Variants in SLC25A42 observed in about 807,000 individuals in gnomAD.
SLC25A42 encodes mitochondrial coenzyme A transporter SLC25A42.
A neutral mutation model predicts 34.7 loss-of-function variants in SLC25A42; 19 were observed. The observed-to-expected ratio is 0.55, with a 90% confidence interval of 0.38 to 0.80. SLC25A42 has a LOEUF of 0.80. Ranked by LOEUF, SLC25A42 falls within the 30% of genes least tolerant of loss-of-function variation. The pLI is 0.00. For missense variants in SLC25A42, 364 were observed against 441.3 expected, an observed-to-expected ratio of 0.82 and a Z score of 1.57; for synonymous variants, 205 against 191.2, an observed-to-expected ratio of 1.07 and a Z score of -0.59.
intron 4 of SLC25A42, chr19:19,105,321 G>A: frequency 1.7e-6 from 1 of 594,164 alleles, no homozygotes; most frequent in Non-Finnish European, 2.9e-6. Context: ...CAGTCCCCAA[G>A]AGAACTTGGT....
intron 1 of SLC25A42, among the ~76,000 whole-genome samples, chr19:19,080,945 G>A (rs1333857383): frequency 6.7e-6 from 1 of 149,668 alleles, no homozygotes; most frequent in Non-Finnish European, 1.5e-5. Context: ...AAAAAAAGAG[G>A]GAGGGAGAGA....
intron 1 of SLC25A42, among the ~76,000 whole-genome samples, chr19:19,077,708 C>T (rs145247253): frequency 0.18 from 27,758 of 152,004 alleles, 3,218 homozygotes; most frequent in Admixed American, 0.25. Context: ...GCCAACATGG[C>T]GAAACCCCAT....
intron 3 of SLC25A42, among the ~76,000 whole-genome samples, chr19:19,103,317 A>C (rs985956810): frequency 6.6e-6 from 1 of 152,092 alleles, no homozygotes; most frequent in Non-Finnish European, 1.5e-5. Flanking sequence ...CTGGTCTTGA[A>C]TTCCTAGCCT....
At position 19,110,953 on chromosome 19, in the gene SLC25A42, C is replaced by A; in HGVS notation, c.*77C>A. On this transcript the variant is annotated 3_prime_UTR_variant, in exon 8 of 8. Transcript: ENST00000318596. The stretch of plus-strand genomic sequence containing the variant: ...GGGCCCATGGAACGGTGGGGGGGTG[C>A]GCTTGATTCTACTTCAGGAGGCACA... The A allele has an allele frequency of 6.6e-7, 1 of 1,516,382 alleles. No homozygotes were observed. Among genetic ancestry groups the A allele is most frequent in the Non-Finnish European group, 9.0e-7 (1 of 1,109,188 alleles). 93.9% of individuals were successfully genotyped at this position (1,516,382 alleles called of 1,614,324 possible).
intron 3 of SLC25A42, among the ~76,000 whole-genome samples, chr19:19,103,291 C>T (rs773247560): frequency 5.3e-5 from 8 of 151,960 alleles, no homozygotes; most frequent in East Asian, 1.9e-4. Context: ...AGACAGGTTT[C>T]GACACGTTGG....
chr19:19,080,738 G>A (rs2059677195), intron 1 of SLC25A42, among the ~76,000 whole-genome samples: 1 of 151,830 alleles, frequency 6.6e-6, no homozygotes. Flanking sequence ...TGGGCAACAT[G>A]GTGAAACCCC....
chr19:19,069,134 C>G (rs1238098997), intron 1 of SLC25A42, among the ~76,000 whole-genome samples: 1 of 152,156 alleles, frequency 6.6e-6, no homozygotes, highest in Non-Finnish European at 1.5e-5. Context: ...CCTGGAGGCC[C>G]CACCCTGTTC....
intron 1 of SLC25A42, among the ~76,000 whole-genome samples, chr19:19,090,023 T>C (rs1278957546): frequency 6.6e-6 from 1 of 152,230 alleles, no homozygotes; most frequent in Non-Finnish European, 1.5e-5. Context: ...AAGATTGTTT[T>C]CTTAGGCAAA....
intron 1 of SLC25A42, among the ~76,000 whole-genome samples, chr19:19,065,925 C>A (rs575291285): frequency 2.0e-5 from 3 of 151,622 alleles, no homozygotes; most frequent in Admixed American, 6.6e-5. Context: ...GGTGTGATCT[C>A]GGCTCACGGC....
intron 1 of SLC25A42, among the ~76,000 whole-genome samples, chr19:19,069,448 G>T (rs2059618366): frequency 6.6e-6 from 1 of 152,210 alleles, no homozygotes; most frequent in Non-Finnish European, 1.5e-5. Flanking sequence ...TCAGACAACA[G>T]AAATGTATCC....
chr19:19,092,014 G>C (rs1174243940), intron 1 of SLC25A42, among the ~76,000 whole-genome samples: 1 of 152,132 alleles, frequency 6.6e-6, no homozygotes, highest in Non-Finnish European at 1.5e-5. Flanking sequence ...TCCCTCCTTG[G>C]CCTCACCAAG....
chr19:19,095,640 T>A (rs1306605851), intron 1 of SLC25A42, among the ~76,000 whole-genome samples: 1 of 152,156 alleles, frequency 6.6e-6, no homozygotes. Flanking sequence ...AAAAATAAAG[T>A]ATTTTGGTGG....
intron 1 of SLC25A42, among the ~76,000 whole-genome samples, chr19:19,092,454 A>C (rs2059743041): frequency 6.6e-6 from 1 of 152,204 alleles, no homozygotes; most frequent in Non-Finnish European, 1.5e-5. Flanking sequence ...GGCCCTGGGC[A>C]GGTGATCCAG....
At chr19:19,096,032 G>A (rs904289674) in intron 1 of SLC25A42, 59 bp from the exon 2 acceptor site, 30 of 1,164,060 alleles carry the variant, frequency 2.6e-5, no homozygotes, top group Non-Finnish European at 3.8e-5. Flanking sequence ...AAGGCTGGTG[G>A]AACACCCACC....
chr19:19,091,574 G>A (rs1463901190), intron 1 of SLC25A42, among the ~76,000 whole-genome samples: 1 of 152,034 alleles, frequency 6.6e-6, no homozygotes, highest in Non-Finnish European at 1.5e-5. Flanking sequence ...ATTAAGTACA[G>A]TGGAAACAGA....
chr19:19,101,593 T>TC (rs1451325722), intron 2 of SLC25A42, among the ~76,000 whole-genome samples, 188 bp from the exon 3 acceptor site: 1 of 152,124 alleles, frequency 6.6e-6, no homozygotes, highest in Non-Finnish European at 1.5e-5. Context: ...TTTCACTGTG[T>TC]CCCCAGTAGG....
intron 1 of SLC25A42, among the ~76,000 whole-genome samples, chr19:19,075,823 A>G (rs1238161970): frequency 1.3e-5 from 2 of 151,864 alleles, no homozygotes; most frequent in Admixed American, 1.3e-4. Flanking sequence ...CTGCCCTCTA[A>G]CTCTGTGTCA....
Position 19,104,887 on chromosome 19 carries a change from G to A in SLC25A42, c.188-26G>A, listed in dbSNP as rs774397941. ...GAGGTTCTGTCCTTTGCATCTCAGT[G>A]GCTTTTGTGCTTTTGTTTTTTCCAG... On this transcript the variant is annotated intron_variant, in intron 3 of 7. Transcript: ENST00000318596. 5 of 1,614,166 alleles carry A rather than the reference G, an allele frequency of 3.1e-6. 1 individual carries two copies. The South Asian group carries it at 5.5e-5, about 18-fold the overall frequency.
intron 1 of SLC25A42, among the ~76,000 whole-genome samples, chr19:19,092,744 C>T: frequency 6.6e-6 from 1 of 152,194 alleles, no homozygotes. Flanking sequence ...CTTTGCAGAA[C>T]ATGTCCAGGC....
Sources: gnomAD v4.1 joint callset for allele counts (sites outside exome capture counted in the v4.1 genomes callset) on GRCh38, gnomAD v4.1.1 for gene constraint, MANE v1.5 for transcripts, NCBI Gene and HGNC (gene_info 2026-07-23, HGNC 2026-07-21) for gene names.